ERMN: variants seen among roughly 807,000 people sequenced by gnomAD.
ERMN encodes ermin, ERM-like protein.
ERMN carries 17 observed loss-of-function variants against 21.4 expected under a neutral mutation model. That is an observed-to-expected ratio of 0.80 (90% CI 0.54 to 1.19). The LOEUF is 1.19. Ranked by LOEUF, ERMN falls within the 50% of genes most tolerant of loss-of-function variation. ERMN has a pLI of 0.00. For missense variants in ERMN, 348 were observed against 331.6 expected (o/e 1.05, Z -0.38); for synonymous variants, 115 against 111.9 (o/e 1.03, Z -0.17).
Position 157,325,468 on chromosome 2 carries a change from C to T in ERMN, c.175G>A (p.Glu59Lys). 6.2e-7 allele frequency: 1 copy of T among 1,614,170 alleles called. No individual in the cohort carries two copies. Among genetic ancestry groups the T allele is most frequent in the South Asian group, 1.1e-5 (1 of 91,076 alleles). Residue 59 changes from glutamate to lysine, a missense_variant, in exon 1 of 3, where the codon GAG becomes AAG. Transcript: ENST00000410096. The part of the protein sequence containing the change: ...LEGALTKGSQ[E>K]ERRKLQGNML... ...TTCCCTTGTAATTTTCTTCTTTCCT[C>T]CTGACTTCCTTTGGTGAGTGCACCT...
Position 157,325,520 on chromosome 2 carries a change from T to C in ERMN, c.123A>G (p.Pro41=), listed in dbSNP as rs1684044991. The stretch of plus-strand genomic sequence containing the variant: ...CCAGACTGGGTTCTACCCTGTAGTG[T>C]GGCAGGGGGCTGTCCACATCAGTCA... ...EELTDVDSPL[P]HYRVEPSLEG... The change falls in exon 1 of 3, where the codon CCA becomes CCG. Residue 41 remains proline, a synonymous_variant. Coordinates refer to ENST00000410096, the MANE Select transcript of ERMN (RefSeq NM_020711.3). 2 of 1,614,234 alleles carry C rather than the reference T, an allele frequency of 1.2e-6. No individual in the cohort carries two copies.
rs1365439795 is a variant in ERMN at position 157,321,425 on chromosome 2, T to C, written c.701A>G (p.Gln234Arg). 7 of 1,614,178 alleles carry C rather than the reference T, an allele frequency of 4.3e-6. 1 individual carries two copies. The highest frequency in any genetic ancestry group is 5.9e-6 in the Non-Finnish European group (7 of 1,180,020). The change falls in exon 3 of 3, where the codon CAA becomes CGA. Residue 234 changes from glutamine (Q) to arginine (R), a missense_variant. Transcript: ENST00000410096. The part of the protein sequence containing the change: ...EDSPLSSASS[Q>R]AVTPDEQPTL... ...TGGCTGCTCATCAGGTGTCACAGCTTGGGAACTGGCACTGCTCAGTGGGGA... is the reference window on the plus strand; with the variant it reads ...TGGCTGCTCATCAGGTGTCACAGCTCGGGAACTGGCACTGCTCAGTGGGGA...
chr2:157,327,118 T>C (rs886478933), upstream of ERMN: 2 of 150,364 alleles, frequency 1.3e-5, no homozygotes, highest in Non-Finnish European at 2.9e-5. Flanking sequence ...ATATAATATA[T>C]ACAATAAATT....
upstream of ERMN, chr2:157,327,592 T>C: frequency 1.4e-6 from 1 of 698,290 alleles, no homozygotes; most frequent in South Asian, 1.5e-5. Context: ...GCAAGCCTAC[T>C]GATGAGAGTT....
upstream of ERMN, chr2:157,327,524 A>T (rs1276668468): frequency 1.3e-6 from 1 of 776,158 alleles, no homozygotes; most frequent in African/African-American, 1.7e-5. Flanking sequence ...CATTTTATAG[A>T]CTAGAAAAAT....
chr2:157,325,448 T>C lies in ERMN; in HGVS notation c.195A>G (p.Gln65=). The part of the protein sequence containing the change: ...KGSQEERRKL[Q]GNMLLNSSME... ...TGGATGAGTTGAGCAGCATGTTCCC[T>C]TGTAATTTTCTTCTTTCCTCCTGAC... Residue 65 remains glutamine (Q), a synonymous_variant, in exon 1 of 3, where the codon CAA becomes CAG. Transcript: ENST00000410096. 1 of 1,614,182 alleles carries C rather than the reference T, an allele frequency of 6.2e-7. No homozygotes were observed. Among genetic ancestry groups the C allele is most frequent in the South Asian group, 1.1e-5 (1 of 91,090 alleles).
intron 1 of ERMN, chr2:157,325,150 T>G: frequency 1.6e-6 from 1 of 622,746 alleles, no homozygotes. Context: ...GTAGTTATTA[T>G]TATTATTCCG....
chr2:157,327,299 AAGACATCTCTAATAGATCCTAG>A, upstream of ERMN: 1 of 586,228 alleles, frequency 1.7e-6, no homozygotes, highest in East Asian at 2.9e-5. Flanking sequence ...TTGTCCTTGG[AAGACATCTCTAATAGATCCTAG>A]ATCTCCCTCC....
At position 157,321,352 on chromosome 2, in the gene ERMN, G is replaced by A. The variant is rs760750509; in HGVS notation, c.774C>T (p.Tyr258=). 2.5e-6 allele frequency: 4 copies of A among 1,614,028 alleles called. No homozygotes were observed. The African/African-American group carries it at 4.0e-5, about 16-fold the overall frequency. ...SDISRNAYSR[Y]NTISYRKIRK... ...TGATTTTCCGATAGGATATTGTATTGTATCTGGAATAAGCATTTCTGGAGA... is the reference window on the plus strand; with the variant it reads ...TGATTTTCCGATAGGATATTGTATTATATCTGGAATAAGCATTTCTGGAGA... Residue 258 remains tyrosine, a synonymous_variant, in exon 3 of 3, where the codon TAC becomes TAT. Coordinates refer to ENST00000410096, the MANE Select transcript of ERMN (RefSeq NM_020711.3).
Position 157,318,734 on chromosome 2 carries a change from T to C in ERMN, c.*2537A>G, listed in dbSNP as rs1217852676. ...CAAATTCTGTGCCTTCAATGTAGCA[T>C]TATATGAAAGGTAGATTTTATATTG... On this transcript the variant is annotated 3_prime_UTR_variant, in exon 3 of 3. Coordinates refer to ENST00000410096, the MANE Select transcript of ERMN (RefSeq NM_020711.3). 1 of 152,114 alleles carries C rather than the reference T, an allele frequency of 6.6e-6. No homozygotes were observed. Among genetic ancestry groups the C allele is most frequent in the Non-Finnish European group, 1.5e-5 (1 of 68,000 alleles). 9.4% of individuals were successfully genotyped at this position (152,114 alleles called of 1,614,324 possible).
In ERMN at chr2:157,325,202, A is replaced by C. The variant is rs1190147444; in HGVS notation, c.241+200T>G. On this transcript the variant is annotated intron_variant, in intron 1 of 2. Transcript: ENST00000410096. The stretch of plus-strand genomic sequence containing the variant: ...AAAACTCAGGCTTCGGGAGACAGAA[A>C]GTTGTCTGGGGTCACAGCTGTCAAA... 5.4e-6 allele frequency: 4 copies of C among 744,878 alleles called. No individual in the cohort carries two copies. In the South Asian group the frequency reaches 5.9e-5, roughly 11 times the overall value. 46.1% of individuals were successfully genotyped at this position (744,878 alleles called of 1,614,324 possible).
chr2:157,325,264 G>C (rs769259734), intron 1 of ERMN, 138 bp downstream of exon 1: 9 of 1,148,328 alleles, frequency 7.8e-6, no homozygotes, highest in Middle Eastern at 1.9e-4. Context: ...CAGAGGTTTA[G>C]TCCTTATACT....
intron 1 of ERMN, 46 bp from the exon 2 acceptor site, chr2:157,324,808 A>G (rs1337842116): frequency 7.4e-7 from 1 of 1,345,378 alleles, no homozygotes; most frequent in Non-Finnish European, 1.0e-6. Context: ...TAAAATATTT[A>G]TTGTTCAACA....
At chr2:157,323,229 C>A (rs976275216) in intron 2 of ERMN, among the ~76,000 whole-genome samples, 4 of 152,206 alleles carry the variant, frequency 2.6e-5, no homozygotes, top group Middle Eastern at 6.8e-3. Context: ...ACAACTGTTA[C>A]CTGCAATGGA....
chr2:157,324,377 A>T (rs1472130059), intron 2 of ERMN: 2 of 344,188 alleles, frequency 5.8e-6, no homozygotes, highest in African/African-American at 4.4e-5. Context: ...GGACACACCA[A>T]ATCAAAAAGT....
upstream of ERMN, chr2:157,327,262 C>T (rs1162887744): frequency 1.9e-6 from 1 of 528,666 alleles, no homozygotes; most frequent in Non-Finnish European, 3.4e-6. Flanking sequence ...AGGGACAACA[C>T]CTCACTCTTG....
At chr2:157,327,272 G>A (rs1183959966), upstream of ERMN, 1 of 555,944 alleles carries the variant, frequency 1.8e-6, no homozygotes, top group Non-Finnish European at 3.2e-6. Context: ...CCTCACTCTT[G>A]TATAATCCCC....
rs1272950614 is a variant in ERMN, at chr2:157,320,100, AC to A, written c.*1170del. The A allele has an allele frequency of 6.6e-6, 1 of 152,288 alleles. No homozygotes were observed. Among genetic ancestry groups the A allele is most frequent in the Non-Finnish European group, 1.5e-5 (1 of 68,022 alleles). The allele number at this position is 152,288 out of a possible 1,614,324, so 9.4% of individuals were successfully genotyped here. A position where few individuals can be genotyped will look rare whatever the true frequency, so the allele number is the denominator to read the frequency against. On this transcript the variant is annotated 3_prime_UTR_variant, in exon 3 of 3. Coordinates refer to ENST00000410096, the MANE Select transcript of ERMN (RefSeq NM_020711.3). ...GAAGCATGAAATGAAAAATTGTGGA[AC>A]AAACTATCTAAGAATATAAATATAG...
intron 2 of ERMN, 132 bp downstream of exon 2, chr2:157,324,538 A>T: frequency 1.4e-6 from 1 of 697,566 alleles, no homozygotes; most frequent in Non-Finnish European, 2.5e-6. Flanking sequence ...ATCTGCCTAC[A>T]GCAGCTTTGA....
Sources: allele counts gnomAD v4.1 joint callset (sites outside exome capture counted in the v4.1 genomes callset), GRCh38; gene constraint gnomAD v4.1.1; transcripts MANE v1.5; gene names NCBI Gene and HGNC (gene_info 2026-07-23, HGNC 2026-07-21).